The following CPQ variants were observed in gnomAD, a reference collection of about 807,000 sequenced individuals.
The protein encoded by CPQ is Ser-Met dipeptidase.
In CPQ, 37 loss-of-function variants were observed where a neutral mutation model predicts 45.7. The ratio of observed to expected loss-of-function variants is 0.81; its 90% CI spans 0.62 to 1.07. The LOEUF is 1.07. Ranked by LOEUF, CPQ falls within the 50% of genes least tolerant of loss-of-function variation. The pLI is 0.00. For missense variants in CPQ, 537 were observed against 572.9 expected, an observed-to-expected ratio of 0.94 and a Z score of 0.64; for synonymous variants, 186 against 205.8, an observed-to-expected ratio of 0.90 and a Z score of 0.82.
chr8:97,071,703 G>A (rs1208471789), intron 7 of CPQ, among the ~76,000 whole-genome samples: 1 of 152,180 alleles, frequency 6.6e-6, no homozygotes, highest in Non-Finnish European at 1.5e-5. Flanking sequence ...GTGAAAATCA[G>A]TATATCAACC....
chr8:97,116,478 G>A (rs1811596288), intron 7 of CPQ, among the ~76,000 whole-genome samples: 1 of 152,182 alleles, frequency 6.6e-6, no homozygotes, highest in African/African-American at 2.4e-5. Context: ...GCCTTCAGTG[G>A]TGACTATTTC....
chr8:96,725,176 A>G (rs1384400326), intron 1 of CPQ, among the ~76,000 whole-genome samples: 1 of 152,198 alleles, frequency 6.6e-6, no homozygotes, highest in African/African-American at 2.4e-5. Flanking sequence ...GCTTTGGCAA[A>G]TAATTTTTGG....
chr8:97,040,623 C>G (rs1432993636), intron 6 of CPQ, among the ~76,000 whole-genome samples: 1 of 152,170 alleles, frequency 6.6e-6, no homozygotes, highest in Non-Finnish European at 1.5e-5. Flanking sequence ...TTAGTTCTAA[C>G]GTTTAAGTCT....
intron 2 of CPQ, among the ~76,000 whole-genome samples, chr8:96,823,158 G>C (rs1053738762): frequency 6.6e-6 from 1 of 151,892 alleles, no homozygotes; most frequent in African/African-American, 2.4e-5. Flanking sequence ...AGGGAAGCTA[G>C]AAAATGGGGT....
intron 1 of CPQ, among the ~76,000 whole-genome samples, chr8:96,693,088 A>G (rs1219122585): frequency 6.6e-6 from 1 of 152,094 alleles, no homozygotes; most frequent in African/African-American, 2.4e-5. Context: ...AGAATAGATC[A>G]AGCAGAAGAA....
chr8:96,876,631 C>T (rs1812148409), intron 3 of CPQ, among the ~76,000 whole-genome samples: 2 of 152,174 alleles, frequency 1.3e-5, no homozygotes, highest in Non-Finnish European at 2.9e-5. Context: ...GTGATTTTAT[C>T]ATAAAAAAGT....
chr8:97,130,925 A>T (rs1811944513), intron 7 of CPQ, among the ~76,000 whole-genome samples: 1 of 152,132 alleles, frequency 6.6e-6, no homozygotes, highest in African/African-American at 2.4e-5. Flanking sequence ...GCATCTCTTC[A>T]TCAGGTAGTC....
chr8:97,013,728 G>A (rs1361984121), intron 5 of CPQ, among the ~76,000 whole-genome samples: 1 of 152,166 alleles, frequency 6.6e-6, no homozygotes, highest in Non-Finnish European at 1.5e-5. Flanking sequence ...GGGAGTAGTT[G>A]GAGGTAACTC....
At chr8:96,809,602 TG>T (rs1317805628) in intron 2 of CPQ, among the ~76,000 whole-genome samples, 2 of 152,130 alleles carry the variant, frequency 1.3e-5, no homozygotes, top group African/African-American at 4.8e-5. Flanking sequence ...AGAGATTGGC[TG>T]TAAGAGGTAT....
intron 3 of CPQ, among the ~76,000 whole-genome samples, chr8:96,844,297 C>A (rs1052024170): frequency 6.6e-6 from 1 of 152,208 alleles, no homozygotes; most frequent in South Asian, 2.1e-4. Flanking sequence ...TCCTCCCCAC[C>A]TCTGTCATCA....
intron 4 of CPQ, among the ~76,000 whole-genome samples, chr8:96,919,705 A>G (rs1249040575): frequency 1.3e-5 from 2 of 152,180 alleles, no homozygotes; most frequent in Non-Finnish European, 2.9e-5. Context: ...GGTTCCCCAA[A>G]TAACTTGATT....
At chr8:96,713,814 C>G (rs1809643578) in intron 1 of CPQ, among the ~76,000 whole-genome samples, 1 of 152,162 alleles carries the variant, frequency 6.6e-6, no homozygotes, top group Non-Finnish European at 1.5e-5. Flanking sequence ...CTCCTTTTAT[C>G]ATTTGTTGTA....
At chr8:97,013,425 C>T (rs1809525107) in intron 5 of CPQ, among the ~76,000 whole-genome samples, 1 of 152,152 alleles carries the variant, frequency 6.6e-6, no homozygotes, top group Non-Finnish European at 1.5e-5. Flanking sequence ...GTAATACATA[C>T]ATTAACAAAT....
chr8:96,795,031 A>C (rs995800075), intron 2 of CPQ, among the ~76,000 whole-genome samples: 1 of 152,184 alleles, frequency 6.6e-6, no homozygotes, highest in South Asian at 2.1e-4. Flanking sequence ...ATACTATTCC[A>C]ACCTCTGCCT....
At chr8:96,820,650 T>C (rs561621233) in intron 2 of CPQ, among the ~76,000 whole-genome samples, 155 of 152,198 alleles carry the variant, frequency 1.0e-3, no homozygotes, top group African/African-American at 3.6e-3. Context: ...ATTTCATTCA[T>C]TTTTATGGCT....
chr8:97,068,726 G>A (rs1200377883), intron 7 of CPQ, among the ~76,000 whole-genome samples: 1 of 152,164 alleles, frequency 6.6e-6, no homozygotes, highest in Non-Finnish European at 1.5e-5. Context: ...TGCAGACACT[G>A]TTTTATCCAT....
At chr8:96,873,935 C>T (rs1409595816) in intron 3 of CPQ, among the ~76,000 whole-genome samples, 1 of 151,774 alleles carries the variant, frequency 6.6e-6, no homozygotes, top group Non-Finnish European at 1.5e-5. Flanking sequence ...TCAGAACTGC[C>T]TGACATGAAG....
chr8:97,121,789 GAA>G (rs1466891725), intron 7 of CPQ, among the ~76,000 whole-genome samples: 3 of 151,880 alleles, frequency 2.0e-5, no homozygotes, highest in Non-Finnish European at 4.4e-5. Context: ...GAAACATAAT[GAA>G]AAGAGAAATG....
intron 1 of CPQ, among the ~76,000 whole-genome samples, chr8:96,780,436 C>T (rs948010098): frequency 8.2e-4 from 125 of 152,072 alleles, no homozygotes; most frequent in African/African-American, 2.8e-3. Flanking sequence ...TGAAGAACAG[C>T]GTGAAGTTCA....
Sources: gnomAD v4.1 joint callset for allele counts (sites outside exome capture counted in the v4.1 genomes callset) on GRCh38, gnomAD v4.1.1 for gene constraint, MANE v1.5 for transcripts, NCBI Gene and HGNC (gene_info 2026-07-23, HGNC 2026-07-21) for gene names.